EBF3: variants seen among roughly 807,000 people sequenced by gnomAD.
EBF3 encodes the protein transcription factor COE3.
Under a neutral mutation model 77.1 loss-of-function variants are expected in EBF3, and 18 were observed. The ratio of observed to expected loss-of-function variants is 0.23; its 90% CI spans 0.16 to 0.35. The LOEUF (loss-of-function observed/expected upper bound fraction) is 0.35. Among genes scored for constraint, EBF3 ranks in the 10% least tolerant of loss-of-function variants. The pLI is 1.00. For missense variants in EBF3, 558 were observed against 860.0 expected (o/e 0.65, Z 4.39); for synonymous variants, 350 against 343.5 (o/e 1.02, Z -0.21).
intron 6 of EBF3, among the ~76,000 whole-genome samples, chr10:129,942,641 G>C (rs1371944871): frequency 1.3e-5 from 2 of 152,218 alleles, no homozygotes; most frequent in Non-Finnish European, 2.9e-5. Flanking sequence ...GTGCATTCCA[G>C]AGATGGCCTC....
rs188090903 is a variant in EBF3 at position 129,933,392 on chromosome 10, T to C, written c.554+23866A>G. On this transcript the variant is annotated intron_variant, in intron 6 of 16. Transcript: ENST00000440978. ...GAGTATGGGGAGGACCAGTGCCGAATAGAAACATTTGTTGAAAACTCAGAC... is the reference window on the plus strand; with the variant it reads ...GAGTATGGGGAGGACCAGTGCCGAACAGAAACATTTGTTGAAAACTCAGAC... Among the ~76,000 whole-genome samples, 210 of 152,346 alleles carry C rather than the reference T, an allele frequency of 1.4e-3. 1 individual carries two copies. Among genetic ancestry groups the C allele is most frequent in the African/African-American group, 4.6e-3 (190 of 41,588 alleles).
chr10:129,924,346 T>C (rs1229713617), intron 6 of EBF3, among the ~76,000 whole-genome samples: 18 of 147,430 alleles, frequency 1.2e-4, no homozygotes. Context: ...ACCCGGGAAG[T>C]GGAGGTTGCA....
intron 6 of EBF3, among the ~76,000 whole-genome samples, chr10:129,886,735 T>C (rs915194375): frequency 2.0e-5 from 3 of 152,148 alleles, no homozygotes; most frequent in African/African-American, 7.2e-5. Flanking sequence ...ACTGGGTTTC[T>C]TTCCCTTCTT....
intron 6 of EBF3, among the ~76,000 whole-genome samples, chr10:129,925,856 C>A (rs1193877660): frequency 6.6e-6 from 1 of 152,172 alleles, no homozygotes; most frequent in East Asian, 1.9e-4. Context: ...TGGTCTAGTG[C>A]ACGAGAATTC....
chr10:129,962,190 A>G lies in EBF3; in HGVS notation c.392T>C (p.Ile131Thr). 6.2e-7 allele frequency: 1 copy of G among 1,614,166 alleles called. No homozygotes were observed. Among genetic ancestry groups the G allele is most frequent in the Non-Finnish European group, 8.5e-7 (1 of 1,180,018 alleles). The change falls in exon 4 of 17, where the codon ATA (isoleucine) becomes ACA (threonine). Residue 131 changes from isoleucine (I) to threonine (T), a missense_variant. Ile to Thr is a moderately conservative substitution (Grantham distance 89). Transcript: ENST00000440978. ...TCTCACCTGTTTGGTCATTGAATCT[A>G]TGAGGCGAACATACAGATCTTGCTC... ...RTEQDLYVRL[I>T]DSMTKQAIVY...
At chr10:129,924,442 A>AC (rs1300548510) in intron 6 of EBF3, among the ~76,000 whole-genome samples, 4 of 133,064 alleles carry the variant, frequency 3.0e-5, no homozygotes, top group African/African-American at 8.4e-5. Flanking sequence ...AAAAAAAAAA[A>AC]AAACAAAAAA....
chr10:129,891,710 C>A (rs2134198906), intron 6 of EBF3, among the ~76,000 whole-genome samples: 1 of 152,166 alleles, frequency 6.6e-6, no homozygotes, highest in South Asian at 2.1e-4. Flanking sequence ...TGGTCTGCCA[C>A]CCAAGGAGGT....
intron 6 of EBF3, among the ~76,000 whole-genome samples, chr10:129,916,672 C>A (rs959576142): frequency 2.6e-5 from 4 of 152,174 alleles, no homozygotes; most frequent in Admixed American, 2.0e-4. Flanking sequence ...GGAGTGTGAC[C>A]CCAAATCTCC....
chr10:129,840,930 C>G lies in EBF3; in HGVS notation c.1475G>C (p.Gly492Ala). Residue 492 changes from glycine (G) to alanine (A), a missense_variant, in exon 14 of 17, where the codon GGA becomes GCA. Transcript: ENST00000440978. ...ACTGGCCATGGCGCCACTTCCATAT[C>G]CATTCATGCTAGTGCTGACTGTGTT... ...NYNTVSTSMN[G>A]YGSGAMASLG... 6.2e-7 allele frequency: 1 copy of G among 1,614,044 alleles called. No homozygotes were observed. Among genetic ancestry groups the G allele is most frequent in the Non-Finnish European group, 8.5e-7 (1 of 1,180,022 alleles).
intron 6 of EBF3, among the ~76,000 whole-genome samples, chr10:129,878,511 A>G (rs1383722280): frequency 6.6e-6 from 1 of 151,966 alleles, no homozygotes; most frequent in African/African-American, 2.4e-5. Context: ...TCTACTAAAA[A>G]TACAAAAATC....
intron 5 of EBF3, among the ~76,000 whole-genome samples, chr10:129,958,718 C>T (rs1358522523): frequency 2.0e-5 from 3 of 152,316 alleles, no homozygotes; most frequent in African/African-American, 7.2e-5. Flanking sequence ...CATATTAATC[C>T]GCTCTGCTGA....
chr10:129,912,249 C>T (rs1192180452), intron 6 of EBF3, among the ~76,000 whole-genome samples: 1 of 152,174 alleles, frequency 6.6e-6, no homozygotes, highest in Non-Finnish European at 1.5e-5. Context: ...CTAGGAAGGG[C>T]CCTGCGGCTC....
At position 129,836,027 on chromosome 10, in the gene EBF3, C is replaced by G. The variant is rs1244585800; in HGVS notation, c.*1916G>C. 1 of 152,562 alleles carries G rather than the reference C, an allele frequency of 6.6e-6. No individual in the cohort carries two copies. Among genetic ancestry groups the G allele is most frequent in the Non-Finnish European group, 1.5e-5 (1 of 68,038 alleles). The allele number at this position is 152,562 out of a possible 1,614,324, so 9.5% of individuals were successfully genotyped here. A position where few individuals can be genotyped will look rare whatever the true frequency, so the allele number is the denominator to read the frequency against. On this transcript the variant is annotated 3_prime_UTR_variant, in exon 17 of 17. Transcript: ENST00000440978. The stretch of plus-strand genomic sequence containing the variant: ...GCAGTGATTTGGGTCCCCCTGAAAC[C>G]TCTGTGAATCGGAGGTGGGCCCAGG...
chr10:129,914,171 A>AGG (rs1451965447), intron 6 of EBF3, among the ~76,000 whole-genome samples: 2 of 152,224 alleles, frequency 1.3e-5, no homozygotes, highest in Non-Finnish European at 2.9e-5. Context: ...TGACGGGCAG[A>AGG]GGGGCTGACC....
chr10:129,962,501 G>A (rs1312901779), intron 3 of EBF3, among the ~76,000 whole-genome samples: 1 of 151,926 alleles, frequency 6.6e-6, no homozygotes, highest in African/African-American at 2.4e-5. Context: ...TGTGTGCGGT[G>A]GGCCCATGTG....
intron 4 of EBF3, 128 bp from the exon 5 acceptor site, chr10:129,959,135 TC>T: frequency 8.8e-7 from 1 of 1,142,060 alleles, no homozygotes; most frequent in Non-Finnish European, 1.2e-6. Context: ...TGCGCCCCCC[TC>T]CCTCGGCCAC....
Position 129,963,886 on chromosome 10 carries a change from TCCGGCCCCGCCG to T in EBF3, c.-130_-119del. The T allele has an allele frequency of 8.5e-7, 1 of 1,176,278 alleles. No homozygotes were observed. Among genetic ancestry groups the T allele is most frequent in the Non-Finnish European group, 1.0e-6 (1 of 952,924 alleles). 72.9% of individuals were successfully genotyped at this position (1,176,278 alleles called of 1,614,324 possible). A position where few individuals can be genotyped will look rare whatever the true frequency, so the allele number is the denominator to read the frequency against. On this transcript the variant is annotated 5_prime_UTR_variant, in exon 1 of 17. Transcript: ENST00000440978. The surrounding 1 kb of genome is among the most constrained non-coding windows in gnomAD (Gnocchi z 7.1). ...CCCTCGCCCTGCTCGGCGCCTGCGG[TCCGGCCCCGCCG>T]CCGGCTTCAGCCCGTCCCGGGCAGG...
At chr10:129,894,190 T>C (rs1333412362) in intron 6 of EBF3, among the ~76,000 whole-genome samples, 1 of 152,236 alleles carries the variant, frequency 6.6e-6, no homozygotes, top group Non-Finnish European at 1.5e-5. Context: ...CTTGGGTGTC[T>C]CCTGCGCAGA....
chr10:129,896,900 C>G (rs1392951980), intron 6 of EBF3, among the ~76,000 whole-genome samples: 1 of 152,172 alleles, frequency 6.6e-6, no homozygotes, highest in African/African-American at 2.4e-5. Flanking sequence ...AGCCTGCCCA[C>G]GCCGCCACCC....
Sources: gnomAD v4.1 joint callset for allele counts (sites outside exome capture counted in the v4.1 genomes callset) on GRCh38, gnomAD v4.1.1 for gene constraint, Gnocchi (gnomAD v3.1) non-coding constraint, MANE v1.5 for transcripts, NCBI Gene and HGNC (gene_info 2026-07-23, HGNC 2026-07-21) for gene names.